PRKD1: variants seen among roughly 807,000 people sequenced by gnomAD.
The protein encoded by PRKD1 is serine/threonine-protein kinase D1.
PRKD1 carries 63 observed loss-of-function variants against 95.9 expected under a neutral mutation model. The ratio of observed to expected loss-of-function variants is 0.66; its 90% confidence interval spans 0.54 to 0.81. The LOEUF (loss-of-function observed/expected upper bound fraction) is 0.81, where lower values mean the gene tolerates loss of function less well. PRKD1 is among the 30% of genes least tolerant of loss of function. PRKD1 has a pLI of 0.00. For missense variants in PRKD1, 1,048 were observed against 1,165.3 expected, an observed-to-expected ratio of 0.90 and a Z score of 1.47; for synonymous variants, 425 against 423.1, an observed-to-expected ratio of 1.00 and a Z score of -0.05.
chr14:29,637,080 G>T (rs189425330), intron 6 of PRKD1, among the ~76,000 whole-genome samples: 1 of 152,148 alleles, frequency 6.6e-6, no homozygotes, highest in Non-Finnish European at 1.5e-5. Context: ...GCCAAAGCTG[G>T]GATAGAAGTA....
At chr14:29,762,022 T>G (rs1272315671) in intron 1 of PRKD1, among the ~76,000 whole-genome samples, 1 of 152,072 alleles carries the variant, frequency 6.6e-6, no homozygotes, top group East Asian at 1.9e-4. Flanking sequence ...TCCTGCTGCC[T>G]TGGCCTCCCA....
chr14:29,589,989 A>C (rs765289249), intron 16 of PRKD1, among the ~76,000 whole-genome samples: 5 of 152,190 alleles, frequency 3.3e-5, no homozygotes, highest in Non-Finnish European at 5.9e-5. Flanking sequence ...AGTGCTGCTT[A>C]AAGTGATCTA....
At chr14:29,826,844 C>CACACACATATAT (rs1323754040) in intron 1 of PRKD1, among the ~76,000 whole-genome samples, 1 of 28,668 alleles carries the variant, frequency 3.5e-5, no homozygotes, top group African/African-American at 1.2e-4. Flanking sequence ...TATATACACA[C>CACACACATATAT]ATATATATAT....
chr14:29,666,408 A>G (rs1454726836), intron 2 of PRKD1, among the ~76,000 whole-genome samples, 200 bp from the exon 3 acceptor site: 1 of 151,976 alleles, frequency 6.6e-6, no homozygotes, highest in Non-Finnish European at 1.5e-5. Flanking sequence ...CACAGCAACC[A>G]TCTCTCTTCT....
intron 1 of PRKD1, among the ~76,000 whole-genome samples, chr14:29,729,654 T>C (rs975576961): frequency 4.6e-5 from 7 of 152,036 alleles, no homozygotes; most frequent in African/African-American, 1.7e-4. Context: ...TTTCATGGAT[T>C]TCTTTTCCTA....
At chr14:29,800,096 T>C (rs982545777) in intron 1 of PRKD1, among the ~76,000 whole-genome samples, 13 of 152,062 alleles carry the variant, frequency 8.5e-5, no homozygotes, top group South Asian at 2.1e-4. Context: ...CATAAGTAGA[T>C]TAAAAAAGGT....
At chr14:29,810,124 T>C (rs1376953245) in intron 1 of PRKD1, among the ~76,000 whole-genome samples, 4 of 152,198 alleles carry the variant, frequency 2.6e-5, no homozygotes, top group Non-Finnish European at 5.9e-5. Flanking sequence ...ATTTTTGGTA[T>C]ATCAAAACAA....
At chr14:29,725,384 T>C (rs1416889721) in intron 2 of PRKD1, 152 bp downstream of exon 2, 2 of 936,182 alleles carry the variant, frequency 2.1e-6, no homozygotes, top group Non-Finnish European at 3.1e-6. Flanking sequence ...AAACCTTTTG[T>C]TTCCCTTTTT....
At chr14:29,585,734 T>C (rs558257883) in intron 16 of PRKD1, among the ~76,000 whole-genome samples, 1 of 152,318 alleles carries the variant, frequency 6.6e-6, no homozygotes, top group Admixed American at 6.5e-5. Context: ...AAAATCAGAA[T>C]GATGCTGAGA....
chr14:29,587,838 A>C (rs1892989175), intron 16 of PRKD1, among the ~76,000 whole-genome samples: 1 of 152,214 alleles, frequency 6.6e-6, no homozygotes, highest in Non-Finnish European at 1.5e-5. Flanking sequence ...TTAAAATTAA[A>C]CATAATTAAT....
chr14:29,767,095 C>T (rs1888291700), intron 1 of PRKD1, among the ~76,000 whole-genome samples: 1 of 152,128 alleles, frequency 6.6e-6, no homozygotes, highest in Non-Finnish European at 1.5e-5. Flanking sequence ...CCCCAACCCT[C>T]ACCTCCAAAT....
intron 2 of PRKD1, among the ~76,000 whole-genome samples, chr14:29,705,873 A>G (rs7144885): frequency 0.45 from 68,011 of 151,870 alleles, 16,016 homozygotes; most frequent in African/African-American, 0.6. Flanking sequence ...CCCTTAGTTG[A>G]TGAACATCTG....
rs181371034 is a variant in PRKD1 at position 29,687,817 on chromosome 14, G to A, written c.404-21609C>T. On this transcript the variant is annotated intron_variant, in intron 2 of 17. Transcript: ENST00000331968. Reference sequence around the variant, plus strand: ...AGTGCTCAATATCTGTCACTGGAATGAGTAGATGAACACATAAACACGCCC... The same window carrying A: ...AGTGCTCAATATCTGTCACTGGAATAAGTAGATGAACACATAAACACGCCC... Among the ~76,000 whole-genome samples the A allele has an allele frequency of 2.3e-3, 346 of 152,282 alleles. 2 individuals are homozygous for A. The highest frequency in any genetic ancestry group is 7.6e-3 in the African/African-American group (315 of 41,558).
chr14:29,908,094 G>A (rs532199997), intron 1 of PRKD1, among the ~76,000 whole-genome samples: 5 of 147,672 alleles, frequency 3.4e-5, no homozygotes, highest in South Asian at 2.1e-4. Context: ...AGTTTATTCC[G>A]CATCTTGTAC....
At chr14:29,585,799 C>A (rs941722466) in intron 16 of PRKD1, among the ~76,000 whole-genome samples, 2 of 152,176 alleles carry the variant, frequency 1.3e-5, no homozygotes, top group South Asian at 2.1e-4. Flanking sequence ...ATGGACTACA[C>A]ACTAAAATCC....
chr14:29,724,222 T>A (rs931915137), intron 2 of PRKD1, among the ~76,000 whole-genome samples: 1 of 152,204 alleles, frequency 6.6e-6, no homozygotes, highest in Non-Finnish European at 1.5e-5. Flanking sequence ...TACATTATAT[T>A]TAGAAATGCA....
chr14:29,717,681 T>C (rs1213141007), intron 2 of PRKD1, among the ~76,000 whole-genome samples: 3 of 152,176 alleles, frequency 2.0e-5, no homozygotes, highest in Non-Finnish European at 2.9e-5. Flanking sequence ...GTTATTATTA[T>C]TTCTAAAAGA....
intron 10 of PRKD1, 81 bp from the exon 11 acceptor site, chr14:29,629,174 A>T: frequency 8.7e-7 from 1 of 1,151,314 alleles, no homozygotes; most frequent in South Asian, 1.5e-5. Flanking sequence ...CATGCTTACA[A>T]ATCATCCTGC....
chr14:29,874,252 G>A (rs1893210299), intron 1 of PRKD1, among the ~76,000 whole-genome samples: 1 of 152,112 alleles, frequency 6.6e-6, no homozygotes, highest in African/African-American at 2.4e-5. Context: ...AAGCATCAGG[G>A]AAATGCAAAT....
Sources: allele counts gnomAD v4.1 joint callset (sites outside exome capture counted in the v4.1 genomes callset), GRCh38; gene constraint gnomAD v4.1.1; transcripts MANE v1.5; gene names NCBI Gene and HGNC (gene_info 2026-07-23, HGNC 2026-07-21).